The following ZNF536 variants were observed in gnomAD, a reference collection of about 807,000 sequenced individuals.
The protein encoded by ZNF536 is zinc finger protein 536.
Under a neutral mutation model 84.5 loss-of-function variants are expected in ZNF536, and 13 were observed. The observed-to-expected ratio is 0.15, with a 90% CI of 0.10 to 0.24. The LOEUF is 0.24. Ranked by LOEUF, ZNF536 falls within the 10% of genes least tolerant of loss-of-function variation. ZNF536 has a pLI of 1.00. For missense variants in ZNF536, 1,536 were observed against 1,747.5 expected (o/e 0.88, Z 2.16); for synonymous variants, 811 against 742.5 (o/e 1.09, Z -1.50).
Position 30,243,237 on chromosome 19 carries a change from CTG to C in ZNF536, c.-190+14567_-190+14568del, listed in dbSNP as rs540221842. 7.8e-4 allele frequency among the ~76,000 whole-genome samples: 118 copies of C among 152,142 alleles called. No individual in the cohort carries two copies. In the South Asian group the frequency reaches 0.013, roughly 17 times the overall value. The stretch of plus-strand genomic sequence containing the variant: ...TTTTTCTAATTTTATCTGTTCAACT[CTG>C]TGAATATATGTTGGCAATTGTCCAC... On this transcript the variant is annotated intron_variant, in intron 1 of 5. Coordinates refer to the ZNF536 transcript ENST00000585628.
intron 1 of ZNF536, among the ~76,000 whole-genome samples, chr19:30,270,559 A>T (rs1192309669): frequency 6.6e-6 from 1 of 152,228 alleles, no homozygotes; most frequent in Admixed American, 6.5e-5. Flanking sequence ...AACAGAGGTG[A>T]CACCGTAAAC....
intron 3 of ZNF536, among the ~76,000 whole-genome samples, chr19:30,536,289 C>G (rs1648058132): frequency 6.6e-6 from 1 of 152,128 alleles, no homozygotes; most frequent in Admixed American, 6.5e-5. Flanking sequence ...CCTGCCCCTC[C>G]CTCCACCTGG....
At chr19:30,555,436 C>T (rs575781745) in intron 4 of ZNF536, 50 of 152,276 alleles carry the variant, frequency 3.3e-4, no homozygotes, top group African/African-American at 1.0e-3. Context: ...TCACTTCTGC[C>T]GTGATGCATG....
intron 2 of ZNF536, among the ~76,000 whole-genome samples, chr19:30,521,333 C>T (rs1223234915): frequency 6.6e-6 from 1 of 152,248 alleles, no homozygotes; most frequent in Non-Finnish European, 1.5e-5. Context: ...CTCCCCTTCC[C>T]TGAAAAGCAA....
chr19:30,411,709 A>G (rs2050502516), intron 1 of ZNF536, among the ~76,000 whole-genome samples: 1 of 151,978 alleles, frequency 6.6e-6, no homozygotes, highest in African/African-American at 2.4e-5. Flanking sequence ...TTATAGTTTT[A>G]CTGTATTTTG....
chr19:30,327,280 G>A (rs999981390), intron 2 of ZNF536, among the ~76,000 whole-genome samples: 2 of 152,050 alleles, frequency 1.3e-5, no homozygotes, highest in South Asian at 2.1e-4. Context: ...TTCAGACCTC[G>A]GGCTCAGGGC....
In ZNF536 at chr19:30,636,699, G is replaced by A. The variant is rs926722931; in HGVS notation, c.170-74058G>A. Among the ~76,000 whole-genome samples the A allele has an allele frequency of 2.6e-5, 4 of 152,292 alleles. No individual in the cohort carries two copies. In the East Asian group the frequency reaches 7.7e-4, roughly 29 times the overall value. The stretch of plus-strand genomic sequence containing the variant: ...CTTTATGTGCCTTTGAGTCATAAAA[G>A]AACCTCATTTTGGTCATGGAAGCAC... On this transcript the variant is annotated intron_variant, in intron 1 of 1. Transcript: ENST00000592773.
intron 1 of ZNF536, among the ~76,000 whole-genome samples, chr19:30,643,935 G>A (rs187753859): frequency 1.1e-4 from 16 of 152,300 alleles, no homozygotes; most frequent in African/African-American, 3.1e-4. Flanking sequence ...AAATTGGGGG[G>A]AAGTGATAGA....
intron 2 of ZNF536, among the ~76,000 whole-genome samples, chr19:30,481,017 A>C (rs2054061641): frequency 6.8e-6 from 1 of 147,076 alleles, no homozygotes; most frequent in Non-Finnish European, 1.5e-5. Context: ...CAACAGAGTT[A>C]GACCCTGTCT....
intron 1 of ZNF536, among the ~76,000 whole-genome samples, chr19:30,598,514 T>C (rs982656496): frequency 1.3e-5 from 2 of 152,192 alleles, no homozygotes; most frequent in African/African-American, 4.8e-5. Flanking sequence ...GACTCCACTT[T>C]CTTCTTAATT....
intron 2 of ZNF536, among the ~76,000 whole-genome samples, chr19:30,526,990 C>T (rs896630833): frequency 1.3e-5 from 2 of 151,890 alleles, no homozygotes; most frequent in African/African-American, 4.8e-5. Flanking sequence ...GTGAACTCGG[C>T]TCGCTGCAGC....
At chr19:30,252,355 G>C (rs2024660895) in intron 1 of ZNF536, among the ~76,000 whole-genome samples, 1 of 152,170 alleles carries the variant, frequency 6.6e-6, no homozygotes, top group African/African-American at 2.4e-5. Context: ...GCCCTGGCTG[G>C]CTGTGGCTGG....
rs2148187601 is a variant in ZNF536 at position 30,444,533 on chromosome 19, T to C, written c.971T>C (p.Ile324Thr). Residue 324 changes from isoleucine to threonine, a missense_variant, in exon 2 of 5, where the codon ATC becomes ACC. By Grantham distance (89) the Ile-to-Thr change is moderately conservative. Transcript: ENST00000355537. ...ELISHVEKAH[I>T]TAESAQGQGP... Reference sequence around the variant, plus strand: ...ATCAGCCACGTGGAGAAGGCACACATCACGGCCGAGTCGGCCCAGGGCCAG... The same window carrying C: ...ATCAGCCACGTGGAGAAGGCACACACCACGGCCGAGTCGGCCCAGGGCCAG... 6.2e-7 allele frequency: 1 copy of C among 1,613,106 alleles called. No individual in the cohort carries two copies. Among genetic ancestry groups the C allele is most frequent in the Admixed American group, 1.7e-5 (1 of 60,020 alleles).
chr19:30,324,561 T>A (rs1016226820), intron 2 of ZNF536, among the ~76,000 whole-genome samples: 11 of 152,198 alleles, frequency 7.2e-5, no homozygotes, highest in African/African-American at 2.7e-4. Flanking sequence ...TTTAATTTTT[T>A]AAAATTTTTT....
At chr19:30,517,297 T>C (rs941985125) in intron 2 of ZNF536, among the ~76,000 whole-genome samples, 1 of 152,192 alleles carries the variant, frequency 6.6e-6, no homozygotes, top group Non-Finnish European at 1.5e-5. Flanking sequence ...CTGCCTTATT[T>C]GCCTAACTGA....
chr19:30,582,878 C>T (rs2046972416), intron 1 of ZNF536, among the ~76,000 whole-genome samples: 1 of 152,134 alleles, frequency 6.6e-6, no homozygotes, highest in South Asian at 2.1e-4. Context: ...GGGTCCCTCC[C>T]ACAACACGTG....
At chr19:30,466,763 A>G (rs372740852) in intron 2 of ZNF536, among the ~76,000 whole-genome samples, 131 of 69,570 alleles carry the variant, frequency 1.9e-3, no homozygotes, top group African/African-American at 0.01. Context: ...GAGGGAAGGA[A>G]GGAAGGAAGG....
intron 1 of ZNF536, among the ~76,000 whole-genome samples, chr19:30,376,110 C>G (rs907940062): frequency 6.6e-6 from 1 of 152,064 alleles, no homozygotes; most frequent in African/African-American, 2.4e-5. Context: ...TGCTGTAGCG[C>G]CCTCTCCCTC....
chr19:30,468,229 C>G lies in ZNF536; in HGVS notation c.2170+22497C>G, dbSNP rs141627990. On this transcript the variant is annotated intron_variant, in intron 2 of 4. Transcript: ENST00000355537. ...ACAGAATCTCTGTCTCACTCCCCAACCCAGCCTAGGTTAATGCTGAGACCA... is the reference window on the plus strand; with the variant it reads ...ACAGAATCTCTGTCTCACTCCCCAAGCCAGCCTAGGTTAATGCTGAGACCA... 6.2e-3 allele frequency among the ~76,000 whole-genome samples: 952 copies of G among 152,334 alleles called. 9 individuals are homozygous for G. Among genetic ancestry groups the G allele is most frequent in the African/African-American group, 0.022 (898 of 41,572 alleles).
Sources: gnomAD v4.1 joint callset for allele counts (sites outside exome capture counted in the v4.1 genomes callset) on GRCh38, gnomAD v4.1.1 for gene constraint, MANE v1.5 for transcripts, NCBI Gene and HGNC (gene_info 2026-07-23, HGNC 2026-07-21) for gene names.